Variants in PKD1L1 observed in about 807,000 individuals in gnomAD.
The protein encoded by PKD1L1 is polycystin 1 like 1, transient receptor potential channel interacting.
PKD1L1 carries 236 observed loss-of-function variants against 323.4 expected under a neutral mutation model. The ratio of observed to expected loss-of-function variants is 0.73; its 90% CI spans 0.66 to 0.81. PKD1L1 has a LOEUF of 0.81. Among genes scored for constraint, PKD1L1 ranks in the 40% least tolerant of loss-of-function variants. The pLI, the probability that PKD1L1 is intolerant of heterozygous loss-of-function variation, is 0.00. For missense variants in PKD1L1, 3,320 were observed against 3,508.0 expected, an observed-to-expected ratio of 0.95 and a Z score of 1.35; for synonymous variants, 1,344 against 1,335.0, an observed-to-expected ratio of 1.01 and a Z score of -0.15.
chr7:47,900,363 TA>T (rs1431050465), intron 13 of PKD1L1, among the ~76,000 whole-genome samples: 1 of 152,226 alleles, frequency 6.6e-6, no homozygotes, highest in Non-Finnish European at 1.5e-5. Flanking sequence ...CTATAACTTG[TA>T]GTAATTATTC....
At chr7:47,851,546 G>C (rs183187427) in intron 31 of PKD1L1, among the ~76,000 whole-genome samples, 1 of 152,208 alleles carries the variant, frequency 6.6e-6, no homozygotes, top group African/African-American at 2.4e-5. Flanking sequence ...TCACCGTTTT[G>C]TAGCCTTCTA....
In PKD1L1 at chr7:47,946,802, G is replaced by A. The variant is rs1460859856; in HGVS notation, c.44+1595C>T. ...TAGGTGACTCAGGAAACCCCAAAAG[G>A]CTATGACTTCAGAAATGGGGCCTCG... On this transcript the variant is annotated intron_variant, in intron 1 of 56. Transcript: ENST00000289672. This position sits in a 1 kb window ranked among gnomAD's most constrained non-coding sequence, Gnocchi z 4.1. 6.6e-6 allele frequency among the ~76,000 whole-genome samples: 1 copy of A among 150,692 alleles called. No homozygotes were observed. The highest frequency in any genetic ancestry group is 1.5e-5 in the Non-Finnish European group (1 of 68,034).
chr7:47,918,459 A>G (rs530578832), intron 7 of PKD1L1, among the ~76,000 whole-genome samples: 2 of 144,378 alleles, frequency 1.4e-5, no homozygotes, highest in Non-Finnish European at 3.0e-5. Flanking sequence ...TCATCAAGAC[A>G]GAAAGTCAAC....
In PKD1L1 at chr7:47,843,184, A is replaced by T. The variant is rs1785598005; in HGVS notation, c.5238-15T>A. The T allele has an allele frequency of 6.3e-7, 1 of 1,575,182 alleles. No individual in the cohort carries two copies. Among genetic ancestry groups the T allele is most frequent in the Non-Finnish European group, 8.7e-7 (1 of 1,154,068 alleles). On this transcript the variant is annotated splice_polypyrimidine_tract_variant and intron_variant, in intron 33 of 56. Coordinates refer to ENST00000289672, the MANE Select transcript of PKD1L1 (RefSeq NM_138295.5). ...TTTCTGGGTGGCTATAAACAAAAGG[A>T]GAGATATAAAGAAAATTGCTCATGA... is the stretch of plus-strand genomic sequence containing the variant.
intron 46 of PKD1L1, among the ~76,000 whole-genome samples, chr7:47,820,639 A>C (rs1785119545): frequency 1.3e-5 from 2 of 152,188 alleles, no homozygotes; most frequent in Non-Finnish European, 2.9e-5. Context: ...AGGCAGGAGA[A>C]TCGCTTGAAC....
chr7:47,825,159 G>A (rs576247853), intron 45 of PKD1L1, among the ~76,000 whole-genome samples: 7 of 152,150 alleles, frequency 4.6e-5, no homozygotes, highest in Non-Finnish European at 7.4e-5. Flanking sequence ...GTAAGTGAAA[G>A]GGCCATTTGA....
upstream of PKD1L1, among the ~76,000 whole-genome samples, chr7:47,953,399 G>C (rs909295724): frequency 1.3e-5 from 2 of 152,100 alleles, no homozygotes; most frequent in East Asian, 3.8e-4. Context: ...TAGACAACTG[G>C]TATTTCATGA....
intron 21 of PKD1L1, among the ~76,000 whole-genome samples, chr7:47,879,947 A>ATT (rs1554406400): frequency 1.4e-5 from 2 of 147,536 alleles, no homozygotes; most frequent in African/African-American, 5.0e-5. Flanking sequence ...AAAATAAAAA[A>ATT]TAAAAAAAAA....
chr7:47,940,690 G>A (rs1220150681), intron 2 of PKD1L1, among the ~76,000 whole-genome samples: 1 of 152,210 alleles, frequency 6.6e-6, no homozygotes, highest in African/African-American at 2.4e-5. Flanking sequence ...GGAAGGAGTG[G>A]TTGGGGAGCT....
At chr7:47,883,937 T>C (rs954920249) in intron 19 of PKD1L1, among the ~76,000 whole-genome samples, 7 of 152,246 alleles carry the variant, frequency 4.6e-5, no homozygotes, top group African/African-American at 1.7e-4. Context: ...GTTCATTCGA[T>C]AGATGAATAA....
intron 3 of PKD1L1, among the ~76,000 whole-genome samples, chr7:47,937,347 G>A (rs983296961): frequency 6.6e-6 from 1 of 151,980 alleles, no homozygotes; most frequent in Admixed American, 6.6e-5. Context: ...GGAAGAGGAG[G>A]AATGCAGAGC....
At chr7:47,796,830 C>CA (rs71006525) in intron 54 of PKD1L1, among the ~76,000 whole-genome samples, 2 of 133,624 alleles carry the variant, frequency 1.5e-5, no homozygotes, top group African/African-American at 3.0e-5. Flanking sequence ...TCCTAAATTA[C>CA]AAAAAAAAAA....
rs546816061 is a variant in PKD1L1 at position 47,820,617 on chromosome 7, C to T, written c.6965+459G>A. On this transcript the variant is annotated intron_variant, in intron 46 of 56. Coordinates refer to ENST00000289672, the MANE Select transcript of PKD1L1 (RefSeq NM_138295.5). ...TGGCACATGCCTGTAATCCCAGCTA[C>T]TTGGGAGGCTGAGGCAGGAGAATCG... is the stretch of plus-strand genomic sequence containing the variant. Among the ~76,000 whole-genome samples the T allele has an allele frequency of 4.6e-5, 7 of 152,178 alleles. No homozygotes were observed. The East Asian group carries it at 5.8e-4, about 13-fold the overall frequency.
At chr7:47,810,524 T>C (rs931051087) in intron 50 of PKD1L1, among the ~76,000 whole-genome samples, 7 of 152,312 alleles carry the variant, frequency 4.6e-5, no homozygotes, top group Non-Finnish European at 1.0e-4. Context: ...CAGTGGCCCA[T>C]GCTCCCACCC....
At chr7:47,820,542 T>C (rs1785117490) in intron 46 of PKD1L1, among the ~76,000 whole-genome samples, 1 of 152,120 alleles carries the variant, frequency 6.6e-6, no homozygotes, top group Non-Finnish European at 1.5e-5. Context: ...CTGACGAACA[T>C]GGTGAAACCC....
chr7:47,811,879 C>T lies in PKD1L1; in HGVS notation c.7519G>A (p.Val2507Met), dbSNP rs758524871. The T allele has an allele frequency of 2.3e-5, 37 of 1,611,188 alleles. 1 individual carries two copies. The East Asian group carries it at 4.0e-4, about 18-fold the overall frequency. ...CTGCGGAAGATGCTGAATGACTCCA[C>T]CAGGGATGAGGGGACGAGACTCCCC... is the stretch of plus-strand genomic sequence containing the variant. Reference protein sequence around the residue: ...PTGSLVPSSLVESFSIFRSDS... With the variant: ...PTGSLVPSSLMESFSIFRSDS... The change falls in exon 50 of 57, where the codon GTG (valine) becomes ATG (methionine). Residue 2507 changes from valine to methionine, a missense_variant. Coordinates refer to ENST00000289672, the MANE Select transcript of PKD1L1 (RefSeq NM_138295.5).
chr7:47,813,901 T>C (rs763350991), intron 48 of PKD1L1, 30 bp downstream of exon 48: 39 of 1,589,556 alleles, frequency 2.5e-5, no homozygotes, highest in Non-Finnish European at 1.2e-5. Flanking sequence ...CCATTTATTC[T>C]TGGAAGCAAA....
At position 47,841,159 on chromosome 7, in the gene PKD1L1, T is replaced by G. The variant is rs534976473; in HGVS notation, c.5446-592A>C. Among the ~76,000 whole-genome samples the G allele has an allele frequency of 2.0e-5, 3 of 152,380 alleles. No homozygotes were observed. In the South Asian group the frequency reaches 6.2e-4, roughly 32 times the overall value. On this transcript the variant is annotated intron_variant, in intron 34 of 56. Coordinates refer to ENST00000289672, the MANE Select transcript of PKD1L1 (RefSeq NM_138295.5). ...TTTTCTTTGACTAGTTTCTAAACTT[T>G]GTGTTTTCACCTTTCTGTCTCTAAT...
chr7:47,921,888 C>A lies in PKD1L1; in HGVS notation c.1061-6289G>T, dbSNP rs373518853. 1.3e-3 allele frequency among the ~76,000 whole-genome samples: 186 copies of A among 146,946 alleles called. 1 individual carries two copies. Among genetic ancestry groups the A allele is most frequent in the African/African-American group, 4.5e-3 (182 of 40,010 alleles). On this transcript the variant is annotated intron_variant, in intron 7 of 56. Coordinates refer to ENST00000289672, the MANE Select transcript of PKD1L1 (RefSeq NM_138295.5). Reference sequence around the variant, plus strand: ...ACACTCCTCTCTCCCTCTCCCCTCTCCCCTCCCCCTCCCCTTCCCTTTCCC... The same window carrying A: ...ACACTCCTCTCTCCCTCTCCCCTCTACCCTCCCCCTCCCCTTCCCTTTCCC...
Sources: allele counts gnomAD v4.1 joint callset (sites outside exome capture counted in the v4.1 genomes callset), GRCh38; gene constraint gnomAD v4.1.1; non-coding constraint Gnocchi (gnomAD v3.1); transcripts MANE v1.5; gene names NCBI Gene and HGNC (gene_info 2026-07-23, HGNC 2026-07-21).